TAFA2: variants seen among roughly 807,000 people sequenced by gnomAD.
The protein encoded by TAFA2 is TAFA chemokine like family member 2.
TAFA2 carries 7 observed loss-of-function variants against 18.8 expected under a neutral mutation model. The observed-to-expected ratio is 0.37, with a 90% CI of 0.21 to 0.70. The LOEUF is 0.70. TAFA2 is among the 30% of genes least tolerant of loss of function. The pLI is 0.53. For missense variants in TAFA2, 122 were observed against 158.1 expected, an observed-to-expected ratio of 0.77 and a Z score of 1.23; for synonymous variants, 60 against 54.2, an observed-to-expected ratio of 1.11 and a Z score of -0.47.
chr12:61,818,518 C>T (rs1419422138), intron 2 of TAFA2, among the ~76,000 whole-genome samples: 1 of 151,826 alleles, frequency 6.6e-6, no homozygotes, highest in East Asian at 1.9e-4. Context: ...CACACACACA[C>T]ACACACACTA....
At chr12:61,959,356 A>C (rs909733731) in intron 1 of TAFA2, among the ~76,000 whole-genome samples, 2 of 152,060 alleles carry the variant, frequency 1.3e-5, no homozygotes, top group African/African-American at 4.8e-5. Flanking sequence ...ATTAAATGTC[A>C]CATGGTCTTT....
At chr12:62,188,532 G>T (rs1365175953) in intron 1 of TAFA2, among the ~76,000 whole-genome samples, 4 of 152,100 alleles carry the variant, frequency 2.6e-5, no homozygotes, top group African/African-American at 9.7e-5. Flanking sequence ...AATCTGACAG[G>T]ACCTTTTCTT....
At chr12:61,767,569 A>G (rs1869843885) in intron 2 of TAFA2, among the ~76,000 whole-genome samples, 2 of 152,058 alleles carry the variant, frequency 1.3e-5, no homozygotes, top group Non-Finnish European at 2.9e-5. Flanking sequence ...AATGAACAAA[A>G]TCTTTGCCTT....
Position 62,169,988 on chromosome 12 carries a change from G to A in TAFA2, c.-2+21271C>T, listed in dbSNP as rs183043577. Among the ~76,000 whole-genome samples the A allele has an allele frequency of 6.3e-4, 95 of 151,866 alleles. 1 individual carries two copies. Among genetic ancestry groups the A allele is most frequent in the African/African-American group, 1.9e-3 (77 of 41,452 alleles). ...AGCCTAAGATATATAATAGAAATGAGCTTACAAGCACATATCGAAAAACCA... is the reference window on the plus strand; with the variant it reads ...AGCCTAAGATATATAATAGAAATGAACTTACAAGCACATATCGAAAAACCA... On this transcript the variant is annotated intron_variant, in intron 1 of 4. Transcript: ENST00000416284.
At chr12:62,222,794 G>A (rs765942334) in intron 1 of TAFA2, among the ~76,000 whole-genome samples, 25 of 151,864 alleles carry the variant, frequency 1.6e-4, no homozygotes, top group Non-Finnish European at 1.9e-4. Context: ...GATTACAGGC[G>A]TGAGCCATTG....
chr12:61,857,866 C>T (rs557266524), intron 2 of TAFA2, among the ~76,000 whole-genome samples: 1 of 152,244 alleles, frequency 6.6e-6, no homozygotes, highest in East Asian at 1.9e-4. Flanking sequence ...GAAGATGGCA[C>T]TTTCGTTAAG....
intron 1 of TAFA2, among the ~76,000 whole-genome samples, chr12:62,011,669 T>A (rs1354810624): frequency 6.6e-6 from 1 of 151,776 alleles, no homozygotes; most frequent in African/African-American, 2.4e-5. Context: ...TGTGTTTATC[T>A]GCTGACCTTC....
intron 1 of TAFA2, among the ~76,000 whole-genome samples, chr12:62,221,216 G>GGGAAGGAA (rs371693194): frequency 0.054 from 4,262 of 78,522 alleles, 286 homozygotes; most frequent in Admixed American, 0.14. Flanking sequence ...GAAGGAAGGG[G>GGGAAGGAA]GGAAGGAAGG....
At chr12:61,744,804 C>T (rs1868623676) in intron 4 of TAFA2, among the ~76,000 whole-genome samples, 1 of 152,054 alleles carries the variant, frequency 6.6e-6, no homozygotes, top group Non-Finnish European at 1.5e-5. Context: ...TCCCACCTCC[C>T]ACCTCAGCTT....
At position 62,165,939 on chromosome 12, in the gene TAFA2, T is replaced by TCACACACA. The variant is rs34593506; in HGVS notation, c.-2+25312_-2+25319dup. ...CTCTTCCTCTCTCTCTCTCTCTCTCTCACACACACACACACACACACACAC... is the reference window on the plus strand; with the variant it reads ...CTCTTCCTCTCTCTCTCTCTCTCTCTCACACACACACACACACACACACACACACACAC... On this transcript the variant is annotated intron_variant, in intron 1 of 4. Transcript: ENST00000416284. Among the ~76,000 whole-genome samples, 108 of 139,446 alleles carry TCACACACA rather than the reference T, an allele frequency of 7.7e-4. No individual in the cohort carries two copies. The East Asian group carries it at 9.7e-3, about 13-fold the overall frequency. 91.5% of individuals were successfully genotyped at this position (139,446 alleles called of 152,430 possible).
At chr12:62,049,402 A>T (rs1488332111) in intron 1 of TAFA2, among the ~76,000 whole-genome samples, 3 of 152,146 alleles carry the variant, frequency 2.0e-5, no homozygotes, top group Non-Finnish European at 4.4e-5. Flanking sequence ...AGACAATTGG[A>T]ATTACTCAGG....
intron 1 of TAFA2, among the ~76,000 whole-genome samples, chr12:61,901,662 T>C (rs150565769): frequency 1.3e-5 from 2 of 152,288 alleles, no homozygotes; most frequent in East Asian, 3.9e-4. Flanking sequence ...AATTATTTTT[T>C]TCAGGTAAGA....
chr12:61,974,103 G>A (rs1879349582), intron 1 of TAFA2, among the ~76,000 whole-genome samples: 1 of 151,674 alleles, frequency 6.6e-6, no homozygotes, highest in South Asian at 2.1e-4. Context: ...GACAGAGACA[G>A]AAAAAGCCTA....
intron 1 of TAFA2, chr12:62,234,673 T>C (rs2062827673): frequency 2.1e-6 from 2 of 957,448 alleles, no homozygotes. Flanking sequence ...GTATAAGCTT[T>C]TCCGCAGTTC....
chr12:61,929,429 A>C (rs1167772123), intron 1 of TAFA2, among the ~76,000 whole-genome samples: 1 of 152,136 alleles, frequency 6.6e-6, no homozygotes, highest in South Asian at 2.1e-4. Context: ...GGCCATCAGA[A>C]AAATGCAAAT....
chr12:62,171,034 T>C (rs1339178978), intron 1 of TAFA2, among the ~76,000 whole-genome samples: 1 of 152,188 alleles, frequency 6.6e-6, no homozygotes, highest in Non-Finnish European at 1.5e-5. Context: ...CTAACATCAA[T>C]ATATTATTCA....
intron 2 of TAFA2, among the ~76,000 whole-genome samples, chr12:61,769,459 A>G (rs148562033): frequency 9.7e-4 from 147 of 152,126 alleles, no homozygotes; most frequent in Non-Finnish European, 1.9e-3. Context: ...AAAAAAAACT[A>G]CAACAAAGGA....
intron 1 of TAFA2, among the ~76,000 whole-genome samples, chr12:61,943,513 T>C (rs1436613466): frequency 2.1e-5 from 3 of 144,562 alleles, no homozygotes; most frequent in African/African-American, 7.6e-5. Flanking sequence ...ACTGGCAAGT[T>C]GGATAAAGAG....
chr12:62,154,491 T>A lies in TAFA2; in HGVS notation c.-2+36768A>T, dbSNP rs573249011. Among the ~76,000 whole-genome samples the A allele has an allele frequency of 1.8e-4, 27 of 152,264 alleles. No individual in the cohort carries two copies. In the East Asian group the frequency reaches 5.2e-3, roughly 29 times the overall value. ...TAGCCCAGTTAAAATTAGGGTTATG[T>A]TAGTACAGAAAAGAAGGATGGGAAT... On this transcript the variant is annotated intron_variant, in intron 1 of 4. Coordinates refer to ENST00000416284, the MANE Select transcript of TAFA2 (RefSeq NM_178539.5).
Sources: gnomAD v4.1 joint callset for allele counts (sites outside exome capture counted in the v4.1 genomes callset) on GRCh38, gnomAD v4.1.1 for gene constraint, MANE v1.5 for transcripts, NCBI Gene and HGNC (gene_info 2026-07-23, HGNC 2026-07-21) for gene names.